PCOLCE2: variants seen among roughly 807,000 people sequenced by gnomAD.
The protein encoded by PCOLCE2 is procollagen C-endopeptidase enhancer 2.
A neutral mutation model predicts 47.0 loss-of-function variants in PCOLCE2; 42 were observed. That is an observed-to-expected ratio of 0.89 (90% CI 0.70 to 1.16). The LOEUF (loss-of-function observed/expected upper bound fraction) is 1.16, where lower values mean the gene tolerates loss of function less well. Ranked by LOEUF, PCOLCE2 falls within the 50% of genes most tolerant of loss-of-function variation. The pLI, the probability that PCOLCE2 is intolerant of heterozygous loss-of-function variation, is 0.00. For synonymous variants in PCOLCE2, 169 were observed against 191.7 expected (o/e 0.88, Z 0.98); for missense variants, 500 against 526.1 (o/e 0.95, Z 0.49).
At chr3:142,874,935 T>C (rs913410976) in intron 2 of PCOLCE2, among the ~76,000 whole-genome samples, 1 of 152,198 alleles carries the variant, frequency 6.6e-6, no homozygotes, top group Non-Finnish European at 1.5e-5. Flanking sequence ...GTCTGATAAT[T>C]CCCTTCTGAC....
intron 2 of PCOLCE2, among the ~76,000 whole-genome samples, chr3:142,885,031 A>T (rs1365079174): frequency 1.3e-5 from 2 of 152,236 alleles, no homozygotes; most frequent in Non-Finnish European, 2.9e-5. Context: ...TAAAAATTTT[A>T]AAGTACTATA....
rs550515146 is a variant in PCOLCE2 at position 142,874,178 on chromosome 3, C to A, written c.192+13491G>T. On this transcript the variant is annotated intron_variant, in intron 2 of 8. Transcript: ENST00000295992. ...GCAACCTCCACCTCCCGGGTTCAAG[C>A]AATTCTCCTGCCTCAGCCTCTTGAG... Among the ~76,000 whole-genome samples the A allele has an allele frequency of 8.5e-5, 13 of 152,334 alleles. No homozygotes were observed. The East Asian group carries it at 2.5e-3, about 29-fold the overall frequency.
chr3:142,888,084 G>C lies in PCOLCE2; in HGVS notation c.84-307C>G, dbSNP rs1440095368. Among the ~76,000 whole-genome samples, 6 of 152,180 alleles carry C rather than the reference G, an allele frequency of 3.9e-5. No homozygotes were observed. The East Asian group carries it at 7.7e-4, about 20-fold the overall frequency. On this transcript the variant is annotated intron_variant, in intron 1 of 8. Transcript: ENST00000295992. The stretch of plus-strand genomic sequence containing the variant: ...AATGGTAAATACATCAATTTAACTG[G>C]GGGAGTGGGAGAGAAGGTAAGAGCC...
At chr3:142,841,848 G>A (rs992913697) in intron 4 of PCOLCE2, among the ~76,000 whole-genome samples, 2 of 152,128 alleles carry the variant, frequency 1.3e-5, no homozygotes, top group Non-Finnish European at 2.9e-5. Flanking sequence ...TTGGGTTAAA[G>A]TCTATAGTGT....
chr3:142,829,674 C>A lies in PCOLCE2; in HGVS notation c.865+18G>T. On this transcript the variant is annotated intron_variant, in intron 6 of 8. Coordinates refer to ENST00000295992, the MANE Select transcript of PCOLCE2 (RefSeq NM_013363.4). ...ACTCCTAAAGTTTTTGCACAAACTT[C>A]CAAACAGGAAAACTTACCCGTGGTT... 6.5e-7 allele frequency: 1 copy of A among 1,545,870 alleles called. No homozygotes were observed. The highest frequency in any genetic ancestry group is 8.7e-7 in the Non-Finnish European group (1 of 1,147,266).
chr3:142,821,485 G>A (rs996205955), intron 7 of PCOLCE2, among the ~76,000 whole-genome samples: 4 of 152,098 alleles, frequency 2.6e-5, no homozygotes, highest in African/African-American at 9.7e-5. Context: ...TTGTGTCGGT[G>A]TGGGTGTGTA....
intron 2 of PCOLCE2, among the ~76,000 whole-genome samples, chr3:142,853,102 A>C (rs992179332): frequency 8.4e-6 from 1 of 118,384 alleles, no homozygotes; most frequent in Non-Finnish European, 1.8e-5. Context: ...GACCCTGTTT[A>C]AAAAAAAAAA....
intron 2 of PCOLCE2, chr3:142,887,448 C>A: frequency 2.4e-6 from 1 of 415,882 alleles, no homozygotes; most frequent in South Asian, 5.1e-5. Flanking sequence ...AGAATTTATT[C>A]CTTCAAGCAT....
chr3:142,827,817 C>T (rs976336301), intron 6 of PCOLCE2: 22 of 573,674 alleles, frequency 3.8e-5, no homozygotes, highest in East Asian at 3.2e-4. Flanking sequence ...GAAAATCTCA[C>T]GGACACCTCA....
chr3:142,843,401 C>T (rs552514550), intron 3 of PCOLCE2: 161 of 423,498 alleles, frequency 3.8e-4, no homozygotes, highest in Non-Finnish European at 7.0e-4. Context: ...CTCCTCAAGG[C>T]ATTGGTATTT....
intron 2 of PCOLCE2, among the ~76,000 whole-genome samples, chr3:142,856,892 C>CTTT (rs34805543): frequency 7.6e-6 from 1 of 131,572 alleles, no homozygotes; most frequent in Non-Finnish European, 1.7e-5. Context: ...TAAACAGGAG[C>CTTT]TTTTTTTTTT....
At chr3:142,862,969 C>A (rs1296582806) in intron 2 of PCOLCE2, among the ~76,000 whole-genome samples, 2 of 151,640 alleles carry the variant, frequency 1.3e-5, no homozygotes, top group African/African-American at 4.8e-5. Flanking sequence ...AGAAATGGAC[C>A]TGCTAAATCA....
intron 2 of PCOLCE2, among the ~76,000 whole-genome samples, chr3:142,886,423 A>G (rs1249307478): frequency 6.6e-6 from 1 of 150,960 alleles, no homozygotes; most frequent in Non-Finnish European, 1.5e-5. Flanking sequence ...TTTTTGTTTC[A>G]GAGACTTATT....
Position 142,848,425 on chromosome 3 carries a change from G to A in PCOLCE2, c.240C>T (p.Leu80=), listed in dbSNP as rs201403616. 31 of 1,608,714 alleles carry A rather than the reference G, an allele frequency of 1.9e-5. No individual in the cohort carries two copies. Among genetic ancestry groups the A allele is most frequent in the East Asian group, 1.3e-4 (6 of 44,706 alleles). The change falls in exon 3 of 9, where the codon CTC becomes CTT. Residue 80 remains leucine (L), a synonymous_variant. Transcript: ENST00000295992. ...VVVLNFRFID[L]ESDNLCRYDF... ...CATAGCGGCACAGGTTGTCACTCTC[G>A]AGGTCTATGAATCGGAAATTGAGAA... is the stretch of plus-strand genomic sequence containing the variant.
Position 142,889,072 on chromosome 3 carries a change from G to A in PCOLCE2, c.-176C>T, listed in dbSNP as rs1272955608. ...GCACCGCCGCGGGGCGGCCCAGGTAGCCGGGGGATACGCGGCCGGCAGGGC... is the reference window on the plus strand; with the variant it reads ...GCACCGCCGCGGGGCGGCCCAGGTAACCGGGGGATACGCGGCCGGCAGGGC... On this transcript the variant is annotated 5_prime_UTR_variant, in exon 1 of 9. Transcript: ENST00000295992. The A allele has an allele frequency of 7.8e-6, 3 of 384,552 alleles. No individual in the cohort carries two copies. The highest frequency in any genetic ancestry group is 4.5e-5 in the Admixed American group (1 of 22,028). 23.8% of individuals were successfully genotyped at this position (384,552 alleles called of 1,614,324 possible).
At chr3:142,887,344 C>G (rs1415198633) in intron 2 of PCOLCE2, 1 of 196,804 alleles carries the variant, frequency 5.1e-6, no homozygotes, top group African/African-American at 2.3e-5. Context: ...TTATGAAGGT[C>G]ATTACAACAG....
chr3:142,889,057 G>T lies in PCOLCE2; in HGVS notation c.-161C>A, dbSNP rs1320635418. On this transcript the variant is annotated 5_prime_UTR_variant, in exon 1 of 9. Transcript: ENST00000295992. Reference sequence around the variant, plus strand: ...CTCCCTCTCACGCGCGCACCGCCGCGGGGCGGCCCAGGTAGCCGGGGGATA... The same window carrying T: ...CTCCCTCTCACGCGCGCACCGCCGCTGGGCGGCCCAGGTAGCCGGGGGATA... 14 of 389,100 alleles carry T rather than the reference G, an allele frequency of 3.6e-5. No homozygotes were observed. Among genetic ancestry groups the T allele is most frequent in the Non-Finnish European group, 5.4e-5 (12 of 220,550 alleles). 24.1% of individuals were successfully genotyped at this position (389,100 alleles called of 1,614,324 possible). A position where few individuals can be genotyped will look rare whatever the true frequency, so the allele number is the denominator to read the frequency against.
At chr3:142,872,354 T>G (rs902929268) in intron 2 of PCOLCE2, among the ~76,000 whole-genome samples, 1 of 152,118 alleles carries the variant, frequency 6.6e-6, no homozygotes, top group Non-Finnish European at 1.5e-5. Context: ...TGATAGGCTT[T>G]CCATTTCACT....
intron 2 of PCOLCE2, among the ~76,000 whole-genome samples, chr3:142,864,759 C>T (rs1478343298): frequency 6.6e-6 from 1 of 152,160 alleles, no homozygotes; most frequent in Non-Finnish European, 1.5e-5. Context: ...TGGAATCAAA[C>T]AGTATGTGGT....
Sources: allele counts gnomAD v4.1 joint callset (sites outside exome capture counted in the v4.1 genomes callset), GRCh38; gene constraint gnomAD v4.1.1; transcripts MANE v1.5; gene names NCBI Gene and HGNC (gene_info 2026-07-23, HGNC 2026-07-21).